Variants in NPC1 observed in about 807,000 individuals in gnomAD.
NPC1 encodes NPC intracellular cholesterol transporter 1, also known as Niemann-Pick C1 protein.
In NPC1, 85 loss-of-function variants were observed where a neutral mutation model predicts 140.4. That is an observed-to-expected ratio of 0.61 (90% CI 0.51 to 0.72). NPC1 has a LOEUF of 0.72. Ranked by LOEUF, NPC1 falls within the 30% of genes least tolerant of loss-of-function variation. The probability of loss-of-function intolerance (pLI) is 0.00; values close to 1 mark genes in which losing one functional copy is unlikely to be tolerated. For synonymous variants in NPC1, 656 were observed against 624.8 expected, an observed-to-expected ratio of 1.05 and a Z score of -0.74; for missense variants, 1,504 against 1,623.8, an observed-to-expected ratio of 0.93 and a Z score of 1.27.
intron 9 of NPC1, among the ~76,000 whole-genome samples, chr18:23,554,265 C>T (rs2058916799): frequency 1.3e-5 from 2 of 152,154 alleles, no homozygotes; most frequent in South Asian, 2.1e-4. Flanking sequence ...CTCTAGCTGG[C>T]ACGATAGCAC....
At chr18:23,529,056 A>C, downstream of NPC1, 1 of 1,456,506 alleles carries the variant, frequency 6.9e-7, no homozygotes, top group South Asian at 1.4e-5. Context: ...ATCTAAGTAG[A>C]GAAAGTGTTT....
At chr18:23,539,269 A>C in intron 19 of NPC1, 86 bp downstream of exon 19, 1 of 887,044 alleles carries the variant, frequency 1.1e-6, no homozygotes, top group South Asian at 1.4e-5. Flanking sequence ...AATAGGTATA[A>C]ACTGAGGCAC....
At chr18:23,507,092 T>C (rs2057734330) in intron 3 of NPC1, 2 of 1,376,498 alleles carry the variant, frequency 1.5e-6, no homozygotes, top group African/African-American at 1.5e-5. Context: ...TAAAGGGCAT[T>C]AGAAATACAT....
rs534853289 is a variant in NPC1 at position 23,511,867 on chromosome 18, G to A, written c.432-5225C>T. On this transcript the variant is annotated intron_variant, in intron 3 of 3. Coordinates refer to the NPC1 transcript ENST00000591107. ...AGAGGGAGAGTTGCAGTATAGGTAC[G>A]AACATCTGAAAAGCTGAACCAGTAT... 5.3e-5 allele frequency among the ~76,000 whole-genome samples: 8 copies of A among 152,086 alleles called. No homozygotes were observed. In the South Asian group the frequency reaches 6.2e-4, roughly 12 times the overall value.
chr18:23,515,053 G>T (rs1011859045), intron 3 of NPC1, among the ~76,000 whole-genome samples: 1 of 152,120 alleles, frequency 6.6e-6, no homozygotes, highest in Non-Finnish European at 1.5e-5. Context: ...GTAGACTGGA[G>T]TCGAGGTGGA....
chr18:23,533,079 C>A, intron 24 of NPC1: 1 of 663,004 alleles, frequency 1.5e-6, no homozygotes, highest in Non-Finnish European at 2.2e-6. Context: ...TGCTGACACT[C>A]AGATCCATTC....
At chr18:23,516,243 G>T (rs931356675) in intron 3 of NPC1, 2 of 1,512,176 alleles carry the variant, frequency 1.3e-6, no homozygotes, top group Non-Finnish European at 1.8e-6. Flanking sequence ...GTTTATCCTT[G>T]TTGGTTTTAC....
At chr18:23,520,417 C>CA, downstream of NPC1, 6 of 908,224 alleles carry the variant, frequency 6.6e-6, no homozygotes, top group Non-Finnish European at 1.0e-5. Flanking sequence ...GAGGAATAAA[C>CA]AGAGATTCCC....
At chr18:23,519,348 C>T (rs958001134), downstream of NPC1, among the ~76,000 whole-genome samples, 1 of 151,928 alleles carries the variant, frequency 6.6e-6, no homozygotes, top group East Asian at 1.9e-4. Flanking sequence ...CAAAACCCCA[C>T]CTATATAAAA....
intron 1 of NPC1, among the ~76,000 whole-genome samples, chr18:23,578,182 G>A (rs2059315112): frequency 6.6e-6 from 1 of 152,248 alleles, no homozygotes; most frequent in South Asian, 2.1e-4. Context: ...CTGCCAGCAC[G>A]CTGTCACCTC....
In NPC1 at chr18:23,531,577, C is replaced by G; in HGVS notation, c.*625G>C. 2 of 1,595,096 alleles carry G rather than the reference C, an allele frequency of 1.3e-6. No individual in the cohort carries two copies. Among genetic ancestry groups the G allele is most frequent in the South Asian group, 2.3e-5 (2 of 87,074 alleles). On this transcript the variant is annotated 3_prime_UTR_variant, in exon 25 of 25. Transcript: ENST00000269228. ...CACCTACGAGATGCTTTCTTTGTCC[C>G]TCATTTCATGCCACATCTAACTGGC...
chr18:23,586,125 G>A (rs932803568), intron 1 of NPC1, among the ~76,000 whole-genome samples, 162 bp downstream of exon 1: 16 of 152,314 alleles, frequency 1.1e-4, no homozygotes, highest in African/African-American at 3.8e-4. Flanking sequence ...AGAGAGCGTG[G>A]CCGGAGACAG....
chr18:23,529,178 G>C, downstream of NPC1: 4 of 1,608,144 alleles, frequency 2.5e-6, no homozygotes, highest in Non-Finnish European at 3.4e-6. Flanking sequence ...TTTTCTTTCA[G>C]GCGGTGGAAG....
chr18:23,538,186 T>C (rs1209994234), intron 20 of NPC1, among the ~76,000 whole-genome samples: 1 of 152,082 alleles, frequency 6.6e-6, no homozygotes, highest in African/African-American at 2.4e-5. Flanking sequence ...CCAGCTGCCA[T>C]CAGTACAAGT....
chr18:23,522,989 G>A (rs2058184432), intron 1 of NPC1: 1 of 152,286 alleles, frequency 6.6e-6, no homozygotes, highest in Non-Finnish European at 1.5e-5. Flanking sequence ...AGAACAGTGG[G>A]TCTCAATCTG....
intron 9 of NPC1, 104 bp from the exon 10 acceptor site, chr18:23,551,831 A>C (rs2058877489): frequency 2.4e-6 from 2 of 829,754 alleles, no homozygotes; most frequent in East Asian, 4.9e-5. Flanking sequence ...CTGTATTCTA[A>C]GGACAACATG....
intron 23 of NPC1, chr18:23,533,905 G>A (rs2058582809): frequency 3.0e-6 from 1 of 337,796 alleles, no homozygotes; most frequent in Non-Finnish European, 5.7e-6. Context: ...TATGATCCTG[G>A]GGGAGAGGTA....
intron 7 of NPC1, 43 bp downstream of exon 7, chr18:23,557,074 C>T: frequency 6.9e-7 from 1 of 1,459,082 alleles, no homozygotes; most frequent in Non-Finnish European, 9.6e-7. Flanking sequence ...TCATGACAGA[C>T]AGCATCATCT....
chr18:23,507,823 G>A (rs539503372), intron 3 of NPC1, among the ~76,000 whole-genome samples: 28 of 152,294 alleles, frequency 1.8e-4, no homozygotes, highest in Non-Finnish European at 2.6e-4. Context: ...CAGATGATCC[G>A]AATTGGTCTT....
Sources: allele counts gnomAD v4.1 joint callset (sites outside exome capture counted in the v4.1 genomes callset), GRCh38; gene constraint gnomAD v4.1.1; transcripts MANE v1.5; gene names NCBI Gene and HGNC (gene_info 2026-07-23, HGNC 2026-07-21).